Variants in PDE4D observed in about 807,000 individuals in gnomAD.
PDE4D encodes phosphodiesterase 4D.
Under a neutral mutation model 87.4 loss-of-function variants are expected in PDE4D, and 24 were observed. That is an observed-to-expected ratio of 0.27 (90% CI 0.20 to 0.39). PDE4D has a LOEUF of 0.39. Ranked by LOEUF, PDE4D falls within the 10% of genes least tolerant of loss-of-function variation. The pLI is 1.00. For missense variants in PDE4D, 714 were observed against 1,041.0 expected (o/e 0.69, Z 4.32); for synonymous variants, 384 against 383.2 (o/e 1.00, Z -0.02).
chr5:59,118,290 A>G (rs1006993255), intron 5 of PDE4D, among the ~76,000 whole-genome samples: 2 of 152,184 alleles, frequency 1.3e-5, no homozygotes, highest in African/African-American at 4.8e-5. Flanking sequence ...CCTGCCACTG[A>G]GTGACCCTGT....
In PDE4D at chr5:59,488,164, G is replaced by C. The variant is rs796252151; in HGVS notation, c.456-272196C>G. Among the ~76,000 whole-genome samples, 20 of 78,414 alleles carry C rather than the reference G, an allele frequency of 2.6e-4. No individual in the cohort carries two copies. The South Asian group carries it at 7.7e-3, about 30-fold the overall frequency. 51.4% of individuals were successfully genotyped at this position (78,414 alleles called of 152,430 possible). ...GATAAATCTTCTGACATCATCAAGAGCCAAAAAAAAAAAAAAAAAAAAAAT... is the reference window on the plus strand; with the variant it reads ...GATAAATCTTCTGACATCATCAAGACCCAAAAAAAAAAAAAAAAAAAAAAT... On this transcript the variant is annotated intron_variant, in intron 1 of 14. Coordinates refer to ENST00000340635, the MANE Select transcript of PDE4D (RefSeq NM_001104631.2).
At chr5:60,064,590 GT>G (rs1296474410) in intron 2 of PDE4D, among the ~76,000 whole-genome samples, 1 of 152,078 alleles carries the variant, frequency 6.6e-6, no homozygotes, top group Non-Finnish European at 1.5e-5. Flanking sequence ...CTTCAAGCTT[GT>G]TCATTTGACT....
rs867590929 is a variant in PDE4D, at chr5:59,099,553, C to T, written c.809-60582G>A. On this transcript the variant is annotated intron_variant, in intron 5 of 14. Coordinates refer to ENST00000340635, the MANE Select transcript of PDE4D (RefSeq NM_001104631.2). ...ATAACCAACAAAATGAGAGATGCGC[C>T]GCAAAATGTGACAGTACGAGTTACT... Among the ~76,000 whole-genome samples the T allele has an allele frequency of 3.9e-5, 6 of 152,046 alleles. No homozygotes were observed. The South Asian group carries it at 6.2e-4, about 16-fold the overall frequency.
At chr5:60,081,646 T>C (rs989799671) in intron 2 of PDE4D, among the ~76,000 whole-genome samples, 4 of 152,164 alleles carry the variant, frequency 2.6e-5, no homozygotes, top group East Asian at 1.9e-4. Context: ...ATTTCATTAT[T>C]GAACCAGGAG....
At chr5:59,747,156 C>A (rs1236247563) in intron 1 of PDE4D, among the ~76,000 whole-genome samples, 1 of 152,134 alleles carries the variant, frequency 6.6e-6, no homozygotes, top group South Asian at 2.1e-4. Context: ...TGCCCCATAA[C>A]CACTGTTAAG....
chr5:59,225,973 G>T (rs911997722), intron 1 of PDE4D, among the ~76,000 whole-genome samples: 2 of 151,322 alleles, frequency 1.3e-5, no homozygotes, highest in African/African-American at 4.8e-5. Context: ...CTTCACTCCT[G>T]TTAGGATGGC....
chr5:60,029,670 A>C (rs1332210960), intron 2 of PDE4D, among the ~76,000 whole-genome samples: 3 of 152,164 alleles, frequency 2.0e-5, no homozygotes, highest in Non-Finnish European at 2.9e-5. Flanking sequence ...CAAATCTTGA[A>C]GGTTCACACC....
intron 1 of PDE4D, among the ~76,000 whole-genome samples, chr5:59,271,240 T>C (rs1347181672): frequency 6.6e-6 from 1 of 152,066 alleles, no homozygotes; most frequent in African/African-American, 2.4e-5. Context: ...GGTTGCGCCA[T>C]TTTGGCCAGG....
chr5:60,105,880 C>T (rs549445123), intron 2 of PDE4D, among the ~76,000 whole-genome samples: 43 of 152,270 alleles, frequency 2.8e-4, no homozygotes, highest in Non-Finnish European at 5.3e-4. Flanking sequence ...AAAGGAACAA[C>T]CAGTACCAAC....
intron 1 of PDE4D, among the ~76,000 whole-genome samples, chr5:59,499,460 C>T (rs1807868304): frequency 6.6e-6 from 1 of 150,844 alleles, no homozygotes; most frequent in Non-Finnish European, 1.5e-5. Context: ...CCCATAACAA[C>T]TATACAAAGG....
chr5:60,246,937 CTG>C (rs369388786), intron 1 of PDE4D, among the ~76,000 whole-genome samples: 1 of 152,084 alleles, frequency 6.6e-6, no homozygotes, highest in African/African-American at 2.4e-5. Context: ...TCTGGGCTCT[CTG>C]TAGTTAATTT....
intron 1 of PDE4D, among the ~76,000 whole-genome samples, chr5:60,325,278 A>G (rs188975689): frequency 9.5e-4 from 145 of 152,278 alleles, no homozygotes; most frequent in African/African-American, 3.0e-3. Context: ...TTATAGGGGG[A>G]AAATAACCTC....
intron 1 of PDE4D, among the ~76,000 whole-genome samples, chr5:59,801,935 C>T (rs966113849): frequency 2.0e-5 from 3 of 152,068 alleles, no homozygotes; most frequent in Non-Finnish European, 2.9e-5. Context: ...CTTTGTGCAA[C>T]GTGCAAATGA....
chr5:60,148,376 AC>A (rs756760517), intron 2 of PDE4D, among the ~76,000 whole-genome samples: 27 of 152,360 alleles, frequency 1.8e-4, no homozygotes, highest in Admixed American at 2.6e-4. Context: ...ATTGTTTATA[AC>A]AACTATTTAC....
chr5:60,080,184 C>A (rs1773768490), intron 2 of PDE4D, among the ~76,000 whole-genome samples: 1 of 151,508 alleles, frequency 6.6e-6, no homozygotes, highest in Non-Finnish European at 1.5e-5. Flanking sequence ...GCTTTGCTTT[C>A]CTATTATTGC....
At chr5:59,007,648 T>G (rs953765085) in intron 6 of PDE4D, among the ~76,000 whole-genome samples, 1 of 152,126 alleles carries the variant, frequency 6.6e-6, no homozygotes, top group Non-Finnish European at 1.5e-5. Context: ...CTGTTTGTAT[T>G]TACTGCCCTC....
At chr5:60,330,992 T>G (rs1757268029) in intron 1 of PDE4D, among the ~76,000 whole-genome samples, 1 of 152,086 alleles carries the variant, frequency 6.6e-6, no homozygotes. Context: ...ATAGTAAAGG[T>G]GAATAAATAC....
At chr5:59,038,075 C>A (rs1227100027) in intron 6 of PDE4D, among the ~76,000 whole-genome samples, 1 of 152,198 alleles carries the variant, frequency 6.6e-6, no homozygotes, top group Non-Finnish European at 1.5e-5. Flanking sequence ...TATCTCCTTG[C>A]ATAACTAAAG....
chr5:59,961,645 C>T (rs925469003), intron 3 of PDE4D, among the ~76,000 whole-genome samples: 1 of 151,958 alleles, frequency 6.6e-6, no homozygotes, highest in Non-Finnish European at 1.5e-5. Flanking sequence ...AATAAATAAG[C>T]AAAATATGTA....
Sources: gnomAD v4.1 joint callset for allele counts (sites outside exome capture counted in the v4.1 genomes callset) on GRCh38, gnomAD v4.1.1 for gene constraint, MANE v1.5 for transcripts, NCBI Gene and HGNC (gene_info 2026-07-23, HGNC 2026-07-21) for gene names.